ZNF236: variants seen among roughly 807,000 people sequenced by gnomAD.
ZNF236 encodes zinc finger protein 236, also known as regulated by glucose.
Under a neutral mutation model 191.2 loss-of-function variants are expected in ZNF236, and 50 were observed. The observed-to-expected ratio is 0.26, with a 90% CI of 0.21 to 0.33. The LOEUF is 0.33. Ranked by LOEUF, ZNF236 falls within the 10% of genes least tolerant of loss-of-function variation. The pLI, the probability that ZNF236 is intolerant of heterozygous loss-of-function variation, is 1.00. For missense variants in ZNF236, 1,754 were observed against 2,374.5 expected, an observed-to-expected ratio of 0.74 and a Z score of 5.43; for synonymous variants, 907 against 928.8, an observed-to-expected ratio of 0.98 and a Z score of 0.43.
chr18:76,891,143 A>T (rs1471269073), intron 9 of ZNF236, among the ~76,000 whole-genome samples: 1 of 152,144 alleles, frequency 6.6e-6, no homozygotes, highest in Non-Finnish European at 1.5e-5. Context: ...CAGATTTTTA[A>T]CTGCATCGGG....
In ZNF236 at chr18:76,899,196, A is replaced by C; in HGVS notation, c.1868A>C (p.Gln623Pro). The C allele has an allele frequency of 6.2e-7, 1 of 1,614,062 alleles. No individual in the cohort carries two copies. The highest frequency in any genetic ancestry group is 8.5e-7 in the Non-Finnish European group (1 of 1,179,930). The change falls in exon 11 of 31, where the codon CAG (glutamine) becomes CCG (proline). Residue 623 changes from glutamine to proline, a missense_variant. By Grantham distance (76) the Gln-to-Pro change is moderately conservative. Transcript: ENST00000320610. ...TNIPVPDIPL[Q>P]EPILITDLGL... ...ATTCCAGTCCCTGATATTCCTTTGC[A>C]GGAACCAATCCTCATAACTGACTTA...
chr18:76,912,942 C>T (rs1419881544), intron 17 of ZNF236, among the ~76,000 whole-genome samples: 7 of 152,208 alleles, frequency 4.6e-5, no homozygotes, highest in Non-Finnish European at 1.0e-4. Context: ...CGTGAGCCAC[C>T]GCCAAACCAG....
intron 6 of ZNF236, among the ~76,000 whole-genome samples, chr18:76,877,572 T>G (rs901595537): frequency 6.6e-6 from 1 of 152,186 alleles, no homozygotes; most frequent in Non-Finnish European, 1.5e-5. Context: ...TCATATATCA[T>G]TATGACCATC....
At chr18:76,832,977 A>G (rs1391187466) in intron 1 of ZNF236, among the ~76,000 whole-genome samples, 1 of 152,198 alleles carries the variant, frequency 6.6e-6, no homozygotes, top group Non-Finnish European at 1.5e-5. Flanking sequence ...ATTTCCTGAA[A>G]CTATTGTTGA....
chr18:76,944,145 T>C (rs1039203758), intron 26 of ZNF236, among the ~76,000 whole-genome samples: 1 of 152,156 alleles, frequency 6.6e-6, no homozygotes, highest in African/African-American at 2.4e-5. Context: ...GGGGCTGGCG[T>C]CTGTGCTGTT....
intron 1 of ZNF236, chr18:76,834,978 G>GTT (rs35789549): frequency 0.013 from 1,859 of 145,552 alleles, 7 homozygotes; most frequent in South Asian, 0.029. Flanking sequence ...TTTATTTTCT[G>GTT]TTTTTTTTTT....
At chr18:76,942,587 G>C (rs8084319) in intron 26 of ZNF236, among the ~76,000 whole-genome samples, 7,254 of 151,388 alleles carry the variant, frequency 0.048, 309 homozygotes, top group African/African-American at 0.11. Flanking sequence ...TCTCCGCTCA[G>C]TGCAAGCTCC....
chr18:76,946,105 C>T (rs1017000323), intron 26 of ZNF236, among the ~76,000 whole-genome samples: 1 of 152,186 alleles, frequency 6.6e-6, no homozygotes, highest in African/African-American at 2.4e-5. Flanking sequence ...TGTCCCCACC[C>T]AGATCTCATC....
At chr18:76,923,280 G>T in intron 21 of ZNF236, 106 bp downstream of exon 21, 1 of 716,746 alleles carries the variant, frequency 1.4e-6, no homozygotes, top group East Asian at 2.9e-5. Context: ...ATTATAGAAC[G>T]CTTAAAAATG....
At chr18:76,885,144 T>C (rs1977011124) in intron 9 of ZNF236, 1 of 152,494 alleles carries the variant, frequency 6.6e-6, no homozygotes, top group Non-Finnish European at 1.5e-5. Flanking sequence ...CTCAGGCTGC[T>C]GAAGCACTTG....
chr18:76,957,704 C>T (rs1404729370), intron 28 of ZNF236, among the ~76,000 whole-genome samples: 2 of 152,130 alleles, frequency 1.3e-5, no homozygotes, highest in Non-Finnish European at 2.9e-5. Context: ...GTGATTTGCT[C>T]CTCTCTACGG....
At chr18:76,958,187 C>T (rs1252895610) in intron 28 of ZNF236, among the ~76,000 whole-genome samples, 2 of 152,158 alleles carry the variant, frequency 1.3e-5, no homozygotes, top group South Asian at 2.1e-4. Flanking sequence ...GCAGTAAGAA[C>T]GGTATTAACT....
intron 1 of ZNF236, among the ~76,000 whole-genome samples, chr18:76,832,570 CTGTT>C (rs528268556): frequency 1.3e-5 from 2 of 150,740 alleles, no homozygotes; most frequent in Non-Finnish European, 3.0e-5. Context: ...CTCTTTTCCA[CTGTT>C]TTTTTTTTTG....
intron 1 of ZNF236, among the ~76,000 whole-genome samples, chr18:76,843,023 G>C (rs1268060851): frequency 6.6e-6 from 1 of 152,198 alleles, no homozygotes; most frequent in African/African-American, 2.4e-5. Context: ...TACCCAGTCC[G>C]AGCATTTGGC....
rs142643370 is a variant in ZNF236 at position 76,891,647 on chromosome 18, G to C, written c.1418-3366G>C. Among the ~76,000 whole-genome samples, 1,043 of 152,194 alleles carry C rather than the reference G, an allele frequency of 6.9e-3. 10 individuals carry two copies. Among genetic ancestry groups the C allele is most frequent in the African/African-American group, 0.023 (962 of 41,508 alleles). On this transcript the variant is annotated intron_variant, in intron 9 of 30. Coordinates refer to ENST00000320610, the MANE Select transcript of ZNF236 (RefSeq NM_001306089.2). ...CCTGCCTTGGCCTCCCAAAGTGCTG[G>C]TATTACAGTCATGAGCCACTATGCT... is the stretch of plus-strand genomic sequence containing the variant.
At chr18:76,860,272 C>T (rs535351166) in intron 3 of ZNF236, among the ~76,000 whole-genome samples, 2 of 152,138 alleles carry the variant, frequency 1.3e-5, no homozygotes, top group African/African-American at 2.4e-5. Flanking sequence ...AACCCGAGGA[C>T]GACATGAAGG....
intron 10 of ZNF236, among the ~76,000 whole-genome samples, chr18:76,896,855 C>T (rs772551590): frequency 1.3e-5 from 2 of 151,844 alleles, no homozygotes; most frequent in Admixed American, 6.6e-5. Flanking sequence ...ATAGGTACTG[C>T]ACACAGCTAC....
At chr18:76,852,934 A>G (rs1032736424) in intron 3 of ZNF236, among the ~76,000 whole-genome samples, 4 of 152,354 alleles carry the variant, frequency 2.6e-5, no homozygotes, top group East Asian at 1.9e-4. Flanking sequence ...GGCAGAGGCA[A>G]TGAACTGCAA....
intron 5 of ZNF236, among the ~76,000 whole-genome samples, chr18:76,874,284 C>G (rs1329910099): frequency 6.6e-6 from 1 of 152,156 alleles, no homozygotes. Flanking sequence ...TAAAGCTGTT[C>G]AGAGAAGCAG....
Sources: gnomAD v4.1 joint callset for allele counts (sites outside exome capture counted in the v4.1 genomes callset) on GRCh38, gnomAD v4.1.1 for gene constraint, MANE v1.5 for transcripts, NCBI Gene and HGNC (gene_info 2026-07-23, HGNC 2026-07-21) for gene names.